SSH1: variants seen among roughly 807,000 people sequenced by gnomAD.
SSH1 encodes protein phosphatase Slingshot homolog 1.
A neutral mutation model predicts 79.7 loss-of-function variants in SSH1; 43 were observed. The observed-to-expected ratio is 0.54, with a 90% CI of 0.42 to 0.70. The LOEUF (loss-of-function observed/expected upper bound fraction) is 0.70. SSH1 is among the 30% of genes least tolerant of loss of function. The pLI, the probability that SSH1 is intolerant of heterozygous loss-of-function variation, is 0.00. For missense variants in SSH1, 1,206 were observed against 1,358.8 expected, an observed-to-expected ratio of 0.89 and a Z score of 1.77; for synonymous variants, 599 against 538.3, an observed-to-expected ratio of 1.11 and a Z score of -1.56.
At chr12:108,811,559 C>T in intron 5 of SSH1, 6 of 572,132 alleles carry the variant, frequency 1.0e-5, no homozygotes, top group East Asian at 3.2e-5. Flanking sequence ...GTGGGCTGAC[C>T]GCACGCCCAC....
intron 11 of SSH1, among the ~76,000 whole-genome samples, chr12:108,801,735 T>TAAAAAAAAAAAAA (rs1565980475): frequency 7.3e-6 from 1 of 137,186 alleles, no homozygotes; most frequent in African/African-American, 2.6e-5. Context: ...CTGTGTTGTT[T>TAAAAAAAAAAAAA]TAAAAAAAAA....
In SSH1 at chr12:108,780,730, T is replaced by C. The variant is rs2036137200; in HGVS notation, c.*7258A>G. 6.6e-6 allele frequency: 1 copy of C among 152,242 alleles called. No individual in the cohort carries two copies. The highest frequency in any genetic ancestry group is 1.5e-5 in the Non-Finnish European group (1 of 68,052). The allele number at this position is 152,242 out of a possible 1,614,324, so 9.4% of individuals were successfully genotyped here. On this transcript the variant is annotated 3_prime_UTR_variant, in exon 15 of 15. Transcript: ENST00000326495. Reference sequence around the variant, plus strand: ...TTTACAGAGAGGGCTGCATTATAGCTTGATAACACTATTAGAAGCATCCTG... The same window carrying C: ...TTTACAGAGAGGGCTGCATTATAGCCTGATAACACTATTAGAAGCATCCTG...
chr12:108,798,594 T>C (rs966579911), intron 13 of SSH1, among the ~76,000 whole-genome samples: 8 of 152,198 alleles, frequency 5.3e-5, no homozygotes, highest in African/African-American at 1.9e-4. Context: ...TGGCGGAACC[T>C]GGTTGCTGTG....
Position 108,787,986 on chromosome 12 carries a change from G to C in SSH1, c.*2C>G. ...GCCCAGCCTGACGCAGCAAAAGGCG[G>C]GTCAGCTTTTGCTCATCCACGAAGG... On this transcript the variant is annotated 3_prime_UTR_variant, in exon 15 of 15. Transcript: ENST00000326495. 2.5e-6 allele frequency: 4 copies of C among 1,614,122 alleles called. No homozygotes were observed. Among genetic ancestry groups the C allele is most frequent in the African/African-American group, 1.3e-5 (1 of 75,022 alleles).
intron 11 of SSH1, 75 bp downstream of exon 11, chr12:108,802,247 C>A: frequency 7.1e-7 from 1 of 1,409,422 alleles, no homozygotes; most frequent in East Asian, 2.3e-5. Context: ...GCCCCAAGGT[C>A]TCCCCCTCCA....
At chr12:108,827,437 A>T in intron 2 of SSH1, 1 of 1,323,216 alleles carries the variant, frequency 7.6e-7, no homozygotes, top group South Asian at 2.4e-5. Flanking sequence ...AAAAGCCAGG[A>T]GGCTGCCGAG....
At chr12:108,813,534 A>AT (rs1271540387) in intron 5 of SSH1, among the ~76,000 whole-genome samples, 2 of 150,718 alleles carry the variant, frequency 1.3e-5, no homozygotes, top group African/African-American at 4.9e-5. Flanking sequence ...GGCAATAGTG[A>AT]TTTTTTTAAA....
intron 2 of SSH1, among the ~76,000 whole-genome samples, chr12:108,829,702 T>C (rs903509652): frequency 3.9e-5 from 6 of 152,160 alleles, no homozygotes; most frequent in Non-Finnish European, 5.9e-5. Context: ...TGGTCATACA[T>C]TGAAACAACC....
chr12:108,826,491 TAC>T (rs2038313973), intron 2 of SSH1: 1 of 150,512 alleles, frequency 6.6e-6, no homozygotes, highest in African/African-American at 2.9e-5. Flanking sequence ...GTCCTGCAAA[TAC>T]AGTCAGGAGA....
chr12:108,816,941 T>C, intron 5 of SSH1, 97 bp downstream of exon 5: 10 of 1,572,556 alleles, frequency 6.4e-6, no homozygotes, highest in Non-Finnish European at 8.7e-6. Flanking sequence ...GACGCAGCCC[T>C]CTCCCACCTC....
At chr12:108,823,912 C>T (rs1191881957) in intron 2 of SSH1, among the ~76,000 whole-genome samples, 1 of 152,186 alleles carries the variant, frequency 6.6e-6, no homozygotes, top group Admixed American at 6.5e-5. Flanking sequence ...CAGCAATCTG[C>T]CTGCTTAGGC....
At chr12:108,833,267 TG>T (rs959555828) in intron 2 of SSH1, among the ~76,000 whole-genome samples, 14 of 152,164 alleles carry the variant, frequency 9.2e-5, no homozygotes, top group Admixed American at 7.9e-4. Flanking sequence ...CCATGGAAGC[TG>T]GAGCTAATGC....
At chr12:108,804,954 T>C in intron 10 of SSH1, 102 bp downstream of exon 10, 2 of 1,508,304 alleles carry the variant, frequency 1.3e-6, no homozygotes, top group Non-Finnish European at 1.8e-6. Context: ...GCAACTCAAG[T>C]TTTTTGCCTG....
chr12:108,809,157 T>G (rs1162047521), intron 7 of SSH1, among the ~76,000 whole-genome samples: 4 of 150,166 alleles, frequency 2.7e-5, no homozygotes. Context: ...TTTACAAAAA[T>G]ATAGGCTGAG....
chr12:108,836,598 A>G (rs1001110968), intron 2 of SSH1, among the ~76,000 whole-genome samples: 4 of 152,254 alleles, frequency 2.6e-5, no homozygotes, highest in African/African-American at 9.6e-5. Flanking sequence ...ACCACTGAAT[A>G]AAACAGAAAA....
At position 108,788,890 on chromosome 12, in the gene SSH1, C is replaced by T; in HGVS notation, c.2248G>A (p.Val750Ile). 1 of 1,614,222 alleles carries T rather than the reference C, an allele frequency of 6.2e-7. No individual in the cohort carries two copies. Among genetic ancestry groups the T allele is most frequent in the Non-Finnish European group, 8.5e-7 (1 of 1,180,044 alleles). ...TTCAAAAGGAGGGACTTTGGCAGGA[C>T]TTTTGGGGTCTCTCTGGAAGGTTCC... ...LLEPSRETPK[V>I]LPKSLLLKNS... The change falls in exon 15 of 15, where the codon GTC (valine) becomes ATC (isoleucine). Residue 750 changes from valine to isoleucine, a missense_variant. Physicochemically the swap from Val to Ile is conservative, Grantham distance 29 (BLOSUM62 3). Transcript: ENST00000326495.
chr12:108,789,078 G>A lies in SSH1; in HGVS notation c.2060C>T (p.Thr687Met), dbSNP rs778852852. The A allele has an allele frequency of 8.7e-6, 14 of 1,613,174 alleles. No individual in the cohort carries two copies. The South Asian group carries it at 9.9e-5, about 11-fold the overall frequency. The part of the protein sequence containing the change: ...CTQPAFLPHI[T>M]SSPVAHLASR... ...GGCCAAGTGGGCCACAGGGGAGGAC[G>A]TGATGTGGGGTAGGAAGGCTGGCTG... Residue 687 changes from threonine to methionine, a missense_variant, in exon 15 of 15, where the codon ACG becomes ATG. By Grantham distance (81) the Thr-to-Met change is moderately conservative. This residue lies in a region of SSH1 where 709 missense variants were observed against 730.6 expected (regional missense o/e 0.97). Coordinates refer to ENST00000326495, the MANE Select transcript of SSH1 (RefSeq NM_018984.4).
Position 108,789,601 on chromosome 12 carries a change from G to T in SSH1, c.1894-357C>A, listed in dbSNP as rs567869873. On this transcript the variant is annotated intron_variant, in intron 14 of 14. Coordinates refer to ENST00000326495, the MANE Select transcript of SSH1 (RefSeq NM_018984.4). ...ACAGGTACCCAGTGGTCCTGGGAAT[G>T]GACTAGAAAGCTGTGTGAAGAGTCC... Among the ~76,000 whole-genome samples the T allele has an allele frequency of 2.2e-4, 33 of 152,262 alleles. 2 individuals carry two copies. The South Asian group carries it at 6.8e-3, about 32-fold the overall frequency.
At chr12:108,856,788 G>A (rs1302047961) in intron 1 of SSH1, among the ~76,000 whole-genome samples, 1 of 152,212 alleles carries the variant, frequency 6.6e-6, no homozygotes, top group East Asian at 1.9e-4. Flanking sequence ...AGGCATACAG[G>A]CAAAGGGCCT....
Sources: allele counts gnomAD v4.1 joint callset (sites outside exome capture counted in the v4.1 genomes callset), GRCh38; gene constraint gnomAD v4.1.1; regional missense constraint gnomAD v4.1.1; transcripts MANE v1.5; gene names NCBI Gene and HGNC (gene_info 2026-07-23, HGNC 2026-07-21).